The following CA10 variants were observed in gnomAD, a reference collection of about 807,000 sequenced individuals.
CA10 encodes carbonic anhydrase-related protein 10.
In CA10, 14 loss-of-function variants were observed where a neutral mutation model predicts 44.2. The ratio of observed to expected loss-of-function variants is 0.32; its 90% CI spans 0.21 to 0.50. The LOEUF (loss-of-function observed/expected upper bound fraction) is 0.50. Ranked by LOEUF, CA10 falls within the 20% of genes least tolerant of loss-of-function variation. The pLI is 0.99. For missense variants in CA10, 350 were observed against 409.7 expected, an observed-to-expected ratio of 0.85 and a Z score of 1.26; for synonymous variants, 159 against 141.6, an observed-to-expected ratio of 1.12 and a Z score of -0.87.
At chr17:51,993,122 G>T (rs553326032) in intron 2 of CA10, among the ~76,000 whole-genome samples, 36 of 152,168 alleles carry the variant, frequency 2.4e-4, no homozygotes, top group African/African-American at 8.7e-4. Flanking sequence ...GATGCATTGG[G>T]TCCAGATACC....
At chr17:51,796,882 G>A (rs1451911817) in intron 3 of CA10, among the ~76,000 whole-genome samples, 4 of 152,104 alleles carry the variant, frequency 2.6e-5, no homozygotes, top group Non-Finnish European at 5.9e-5. Context: ...AGAGACATTG[G>A]CATTTTCTTC....
At position 52,094,158 on chromosome 17, in the gene CA10, G is replaced by C. The variant is rs555743830; in HGVS notation, c.62-21765C>G. On this transcript the variant is annotated intron_variant, in intron 1 of 8. Transcript: ENST00000451037. ...GGAGCCTGCGGGGTGTGGGGGCTGG[G>C]GGAGGAATAACATTAGGAGAAATAC... Among the ~76,000 whole-genome samples, 16 of 152,216 alleles carry C rather than the reference G, an allele frequency of 1.1e-4. No homozygotes were observed. The South Asian group carries it at 3.3e-3, about 32-fold the overall frequency.
At chr17:51,815,504 T>G (rs1907530877) in intron 3 of CA10, among the ~76,000 whole-genome samples, 1 of 152,104 alleles carries the variant, frequency 6.6e-6, no homozygotes, top group South Asian at 2.1e-4. Context: ...CCTCCCTGCC[T>G]CTTACCATGG....
chr17:51,941,092 T>C (rs1362158597), intron 2 of CA10, among the ~76,000 whole-genome samples: 1 of 152,132 alleles, frequency 6.6e-6, no homozygotes, highest in African/African-American at 2.4e-5. Flanking sequence ...AAACTGAGGC[T>C]CAAAGAGTTG....
intron 1 of CA10, among the ~76,000 whole-genome samples, chr17:52,132,096 CACATGTATACATAGCACATGTAT>C (rs1203144901): frequency 6.6e-6 from 1 of 151,588 alleles, no homozygotes; most frequent in Non-Finnish European, 1.5e-5. Context: ...ACCAGCATAG[CACATGTATACATAGCACATGTAT>C]ACATGTATAC....
At chr17:51,690,515 T>G (rs1257816873) in intron 4 of CA10, among the ~76,000 whole-genome samples, 1 of 152,188 alleles carries the variant, frequency 6.6e-6, no homozygotes, top group Non-Finnish European at 1.5e-5. Context: ...ATTCCCCATG[T>G]GTCATGGGAG....
At chr17:52,017,027 T>C (rs1985990461) in intron 2 of CA10, among the ~76,000 whole-genome samples, 1 of 152,158 alleles carries the variant, frequency 6.6e-6, no homozygotes, top group African/African-American at 2.4e-5. Context: ...ATTGGAAGAT[T>C]CTTGAGGCTC....
chr17:51,831,539 G>C (rs1424376101), intron 3 of CA10, among the ~76,000 whole-genome samples: 1 of 152,216 alleles, frequency 6.6e-6, no homozygotes, highest in Admixed American at 6.5e-5. Flanking sequence ...AAAGGTCACT[G>C]TCAATGACCA....
chr17:51,860,798 G>C (rs566718098), intron 3 of CA10, among the ~76,000 whole-genome samples: 10 of 152,098 alleles, frequency 6.6e-5, no homozygotes, highest in African/African-American at 2.4e-4. Context: ...TACCTTTAGG[G>C]GTATTCAGAA....
At chr17:51,713,412 G>A (rs780267744) in intron 4 of CA10, among the ~76,000 whole-genome samples, 3 of 152,176 alleles carry the variant, frequency 2.0e-5, no homozygotes, top group Non-Finnish European at 4.4e-5. Context: ...ATGATATCTA[G>A]CGGGGACAAC....
At chr17:51,654,027 A>G (rs370375978) in intron 4 of CA10, among the ~76,000 whole-genome samples, 1 of 152,172 alleles carries the variant, frequency 6.6e-6, no homozygotes, top group Non-Finnish European at 1.5e-5. Context: ...ATTTCCCCTA[A>G]AGCGTGTGTA....
At chr17:51,676,935 C>G (rs1914643168) in intron 4 of CA10, among the ~76,000 whole-genome samples, 1 of 152,150 alleles carries the variant, frequency 6.6e-6, no homozygotes, top group African/African-American at 2.4e-5. Context: ...GAGTCCATGG[C>G]CACAGAGTAG....
At chr17:52,084,247 T>C (rs1214334544) in intron 1 of CA10, among the ~76,000 whole-genome samples, 7 of 152,140 alleles carry the variant, frequency 4.6e-5, no homozygotes, top group African/African-American at 1.7e-4. Context: ...ATTAAGTCAA[T>C]TTGCCATGGT....
At chr17:51,879,902 C>T (rs898136341) in intron 3 of CA10, among the ~76,000 whole-genome samples, 1 of 152,208 alleles carries the variant, frequency 6.6e-6, no homozygotes, top group African/African-American at 2.4e-5. Context: ...ATCATGTCTT[C>T]TATTTTCTGT....
intron 2 of CA10, among the ~76,000 whole-genome samples, chr17:52,003,939 CA>C (rs56397346): frequency 0.59 from 87,841 of 147,718 alleles, 27,153 homozygotes; most frequent in African/African-American, 0.76. Context: ...AAAACTAAAA[CA>C]AAAAAAAAAA....
At chr17:51,912,803 C>G (rs1447558431) in intron 3 of CA10, among the ~76,000 whole-genome samples, 1 of 152,204 alleles carries the variant, frequency 6.6e-6, no homozygotes, top group Non-Finnish European at 1.5e-5. Flanking sequence ...TTCATATACT[C>G]CATGCAGTAC....
chr17:51,772,885 T>TG (rs1346496343), intron 3 of CA10, among the ~76,000 whole-genome samples: 73 of 152,282 alleles, frequency 4.8e-4, no homozygotes, highest in African/African-American at 1.7e-3. Flanking sequence ...CAGAAGCTTC[T>TG]GGGGAGCACC....
intron 2 of CA10, among the ~76,000 whole-genome samples, chr17:51,982,746 G>A (rs1738918363): frequency 6.6e-6 from 1 of 151,662 alleles, no homozygotes; most frequent in Admixed American, 6.6e-5. Flanking sequence ...ATCAACTTTA[G>A]GTATTTTAAA....
intron 4 of CA10, among the ~76,000 whole-genome samples, chr17:51,674,579 T>C (rs1230663175): frequency 6.6e-6 from 1 of 152,236 alleles, no homozygotes; most frequent in Non-Finnish European, 1.5e-5. Flanking sequence ...GAAGTATTAA[T>C]ATTGGAAAAG....
Sources: allele counts gnomAD v4.1 joint callset (sites outside exome capture counted in the v4.1 genomes callset), GRCh38; gene constraint gnomAD v4.1.1; transcripts MANE v1.5; gene names NCBI Gene and HGNC (gene_info 2026-07-23, HGNC 2026-07-21).